NRG1: variants seen among roughly 807,000 people sequenced by gnomAD.
NRG1 encodes the protein pro-neuregulin-1, membrane-bound isoform.
A neutral mutation model predicts 63.8 loss-of-function variants in NRG1; 18 were observed. That is an observed-to-expected ratio of 0.28 (90% CI 0.19 to 0.42). NRG1 has a LOEUF of 0.42. NRG1 is among the 10% of genes least tolerant of loss of function. The probability of loss-of-function intolerance (pLI) is 1.00; values close to 1 mark genes in which losing one functional copy is unlikely to be tolerated. For synonymous variants in NRG1, 302 were observed against 301.3 expected (o/e 1.00, Z -0.02); for missense variants, 762 against 814.7 (o/e 0.94, Z 0.79).
intron 1 of NRG1, among the ~76,000 whole-genome samples, chr8:32,129,541 T>A (rs1473350048): frequency 6.6e-6 from 1 of 151,986 alleles, no homozygotes; most frequent in Non-Finnish European, 1.5e-5. Flanking sequence ...GGCCTCATCT[T>A]AACTTGATTA....
intron 5 of NRG1, among the ~76,000 whole-genome samples, chr8:32,639,332 G>T (rs900172122): frequency 2.6e-5 from 4 of 152,146 alleles, no homozygotes; most frequent in Non-Finnish European, 5.9e-5. Flanking sequence ...CTGGAACCTG[G>T]GAGGTGGAGG....
At chr8:31,846,593 C>T (rs1482816652) in intron 1 of NRG1, among the ~76,000 whole-genome samples, 4 of 152,136 alleles carry the variant, frequency 2.6e-5, no homozygotes, top group South Asian at 2.1e-4. Flanking sequence ...TAAGTGCTCA[C>T]AGGATAATAG....
At chr8:32,158,949 C>T (rs1167194716) in intron 1 of NRG1, among the ~76,000 whole-genome samples, 1 of 152,138 alleles carries the variant, frequency 6.6e-6, no homozygotes, top group Non-Finnish European at 1.5e-5. Flanking sequence ...GCTCCTCCCA[C>T]CAGAGTCTGT....
chr8:32,007,202 A>G (rs551267239), intron 1 of NRG1, among the ~76,000 whole-genome samples: 27 of 152,172 alleles, frequency 1.8e-4, no homozygotes, highest in African/African-American at 6.5e-4. Context: ...AAATCTAACC[A>G]TTTGCTAAGG....
intron 5 of NRG1, among the ~76,000 whole-genome samples, chr8:32,660,461 G>C (rs1191161092): frequency 6.6e-6 from 1 of 152,162 alleles, no homozygotes; most frequent in Non-Finnish European, 1.5e-5. Context: ...TCAATATAGA[G>C]TTTAGTCATT....
intron 1 of NRG1, among the ~76,000 whole-genome samples, chr8:31,886,345 T>C (rs1008899487): frequency 3.3e-5 from 5 of 152,074 alleles, no homozygotes; most frequent in African/African-American, 9.7e-5. Flanking sequence ...TTTTAGTGTA[T>C]TTTTTTCTAT....
chr8:31,796,662 C>T (rs1192298587), intron 1 of NRG1, among the ~76,000 whole-genome samples: 1 of 152,020 alleles, frequency 6.6e-6, no homozygotes, highest in Non-Finnish European at 1.5e-5. Context: ...TGGTCTTGAT[C>T]TCCTGACCCT....
At chr8:31,707,641 C>T (rs550315547) in intron 1 of NRG1, among the ~76,000 whole-genome samples, 7 of 151,784 alleles carry the variant, frequency 4.6e-5, no homozygotes, top group Admixed American at 4.6e-4. Flanking sequence ...TGTGTAATTC[C>T]CTTTGTTTCC....
chr8:32,013,447 T>G (rs1329496821), intron 1 of NRG1, among the ~76,000 whole-genome samples: 4 of 152,060 alleles, frequency 2.6e-5, no homozygotes, highest in African/African-American at 4.8e-5. Flanking sequence ...TGCTAATAAC[T>G]GGCATGGATG....
At chr8:31,798,761 C>T (rs1332970341) in intron 1 of NRG1, among the ~76,000 whole-genome samples, 1 of 152,060 alleles carries the variant, frequency 6.6e-6, no homozygotes, top group African/African-American at 2.4e-5. Context: ...TTAAATAACT[C>T]TAATTAGGAG....
At chr8:32,231,997 A>G (rs7837917) in intron 1 of NRG1, among the ~76,000 whole-genome samples, 112,521 of 151,826 alleles carry the variant, frequency 0.74, 42,809 homozygotes, top group African/African-American at 0.91. Context: ...TCAACCTCCC[A>G]GGCTCAAGTA....
In NRG1 at chr8:31,964,274, A is replaced by T. The variant is rs184795820; in HGVS notation, c.37+324843A>T. Among the ~76,000 whole-genome samples the T allele has an allele frequency of 1.4e-4, 22 of 152,376 alleles. No individual in the cohort carries two copies. The East Asian group carries it at 3.3e-3, about 23-fold the overall frequency. The stretch of plus-strand genomic sequence containing the variant: ...AGTGCCAGTAAGGCTCCTATATCAT[A>T]GAAGTCTAGGAAGATACAAGCAAGT... On this transcript the variant is annotated intron_variant, in intron 1 of 10. Transcript: ENST00000519301.
intron 1 of NRG1, among the ~76,000 whole-genome samples, chr8:31,994,220 T>C (rs1811543906): frequency 6.6e-6 from 1 of 151,944 alleles, no homozygotes; most frequent in African/African-American, 2.4e-5. Context: ...TGCTTCAGAT[T>C]GAGAGACGGG....
intron 1 of NRG1, among the ~76,000 whole-genome samples, chr8:31,709,605 T>G (rs960926208): frequency 2.3e-4 from 35 of 152,112 alleles, no homozygotes; most frequent in African/African-American, 8.4e-4. Flanking sequence ...GTATTAATAA[T>G]TGGCACATTT....
intron 1 of NRG1, among the ~76,000 whole-genome samples, chr8:31,755,088 T>C (rs1563363237): frequency 6.6e-6 from 1 of 152,064 alleles, no homozygotes; most frequent in Non-Finnish European, 1.5e-5. Flanking sequence ...TATAACTACT[T>C]CTCCAGCTCC....
At chr8:32,688,513 T>A (rs1589216459) in intron 5 of NRG1, among the ~76,000 whole-genome samples, 1 of 152,300 alleles carries the variant, frequency 6.6e-6, no homozygotes, top group East Asian at 1.9e-4. Flanking sequence ...TCATTACCAT[T>A]TATTACTTTT....
chr8:32,684,184 C>T (rs1316662600), intron 5 of NRG1, among the ~76,000 whole-genome samples: 1 of 152,040 alleles, frequency 6.6e-6, no homozygotes, highest in Non-Finnish European at 1.5e-5. Flanking sequence ...AAATAGTCAG[C>T]TCTAGAATTC....
At chr8:32,472,066 C>T (rs189921431) in intron 1 of NRG1, among the ~76,000 whole-genome samples, 119 of 152,324 alleles carry the variant, frequency 7.8e-4, no homozygotes, top group Non-Finnish European at 1.6e-3. Context: ...CAGGTGTCTC[C>T]ACCACTTTAC....
At chr8:32,756,315 C>T (rs1010929047) in intron 8 of NRG1, 88 bp from the exon 9 acceptor site, 2 of 1,484,562 alleles carry the variant, frequency 1.3e-6, no homozygotes, top group Non-Finnish European at 1.8e-6. Context: ...CCTTGAACTA[C>T]TCATAGGTGT....
Sources: allele counts gnomAD v4.1 joint callset (sites outside exome capture counted in the v4.1 genomes callset), GRCh38; gene constraint gnomAD v4.1.1; transcripts MANE v1.5; gene names NCBI Gene and HGNC (gene_info 2026-07-23, HGNC 2026-07-21).